GRM2: variants seen among roughly 807,000 people sequenced by gnomAD.
GRM2 encodes glutamate metabotropic receptor 2.
In GRM2, 35 loss-of-function variants were observed where a neutral mutation model predicts 60.4. The ratio of observed to expected loss-of-function variants is 0.58; its 90% CI spans 0.44 to 0.77. The LOEUF is 0.77. GRM2 is among the 30% of genes least tolerant of loss of function. The pLI is 0.00. For missense variants in GRM2, 925 were observed against 1,199.5 expected (o/e 0.77, Z 3.38); for synonymous variants, 437 against 484.1 (o/e 0.90, Z 1.28).
Position 51,716,495 on chromosome 3 carries a change from A to G in GRM2, c.2364+358A>G, listed in dbSNP as rs1703902518. Among the ~76,000 whole-genome samples, 1 of 152,194 alleles carries G rather than the reference A, an allele frequency of 6.6e-6. No homozygotes were observed. Among genetic ancestry groups the G allele is most frequent in the South Asian group, 2.1e-4 (1 of 4,830 alleles). ...GAGATGAAGCCAGGGAAGGCAGGAA[A>G]GATGAAGCAAGGTGGGTAGGGGAGG... On this transcript the variant is annotated intron_variant, in intron 4 of 5. Coordinates refer to ENST00000395052, the MANE Select transcript of GRM2 (RefSeq NM_000839.5). The surrounding 1 kb of genome is among the most constrained non-coding windows in gnomAD (Gnocchi z 4.0).
chr3:51,710,178 C>T (rs1041726933), intron 2 of GRM2, among the ~76,000 whole-genome samples: 1 of 151,746 alleles, frequency 6.6e-6, no homozygotes, highest in Non-Finnish European at 1.5e-5. Flanking sequence ...TTAGTAGAGA[C>T]GAGCCTGACC....
At position 51,716,176 on chromosome 3, in the gene GRM2, C is replaced by T. The variant is rs779236404; in HGVS notation, c.2364+39C>T. The T allele has an allele frequency of 7.6e-7, 1 of 1,317,758 alleles. No individual in the cohort carries two copies. Among genetic ancestry groups the T allele is most frequent in the South Asian group, 1.2e-5 (1 of 83,224 alleles). The allele number at this position is 1,317,758 out of a possible 1,614,324, so 81.6% of individuals were successfully genotyped here. On this transcript the variant is annotated intron_variant, in intron 4 of 5. Coordinates refer to ENST00000395052, the MANE Select transcript of GRM2 (RefSeq NM_000839.5). The surrounding 1 kb of genome is among the most constrained non-coding windows in gnomAD (Gnocchi z 4.0). ...CACAGAGGTCGGGGGAGATGGGACA[C>T]CAGACCCTCTGTTTCCTGGTATCTT...
rs1171946408 is a variant in GRM2, at chr3:51,716,045, G to A, written c.2272G>A (p.Glu758Lys). 6.2e-7 allele frequency: 1 copy of A among 1,614,218 alleles called. No individual in the cohort carries two copies. Among genetic ancestry groups the A allele is most frequent in the Non-Finnish European group, 8.5e-7 (1 of 1,180,046 alleles). Residue 758 changes from glutamate (E) to lysine (K), a missense_variant, in exon 4 of 6, where the codon GAG (glutamate) becomes AAG (lysine). By Grantham distance (56) the Glu-to-Lys change is moderately conservative. Coordinates refer to ENST00000395052, the MANE Select transcript of GRM2 (RefSeq NM_000839.5). This position sits in a 1 kb window ranked among gnomAD's most constrained non-coding sequence, Gnocchi z 4.0. The part of the protein sequence containing the change: ...KTRKCPENFN[E>K]AKFIGFTMYT... ...TCGCAAGTGCCCCGAAAACTTCAAC[G>A]AGGCCAAGTTCATTGGCTTCACCAT... is the stretch of plus-strand genomic sequence containing the variant.
Position 51,708,890 on chromosome 3 carries a change from TG to T in GRM2, c.-92del. 1.1e-6 allele frequency: 1 copy of T among 917,234 alleles called. No individual in the cohort carries two copies. The highest frequency in any genetic ancestry group is 1.6e-6 in the Non-Finnish European group (1 of 623,932). 56.8% of individuals were successfully genotyped at this position (917,234 alleles called of 1,614,324 possible). On this transcript the variant is annotated 5_prime_UTR_variant, in exon 2 of 6. Coordinates refer to ENST00000395052, the MANE Select transcript of GRM2 (RefSeq NM_000839.5). The stretch of plus-strand genomic sequence containing the variant: ...ATCTCTCTTCTTGTCTGTCCTTTCC[TG>T]GTCCCTGTTTCCTCCTCTCTTTGCC...
Position 51,717,004 on chromosome 3 carries a change from G to A in GRM2, c.2365-633G>A, listed in dbSNP as rs372795293. Among the ~76,000 whole-genome samples the A allele has an allele frequency of 7.2e-4, 109 of 152,174 alleles. No individual in the cohort carries two copies. The highest frequency in any genetic ancestry group is 3.9e-3 in the South Asian group (19 of 4,830). On this transcript the variant is annotated intron_variant, in intron 4 of 5. Transcript: ENST00000395052. This position sits in a 1 kb window ranked among gnomAD's most constrained non-coding sequence, Gnocchi z 6.0. ...CACCTGCTTGGGTGGTAGAGGCCAG[G>A]GCTGGGGAGGGATTCTGCTCTGACT...
chr3:51,712,569 C>T lies in GRM2; in HGVS notation c.547C>T (p.Arg183Cys), dbSNP rs761538024. ...SDKSRYDYFA[R>C]TVPPDFFQAK... is the part of the protein sequence containing the mutation. ...CAAGTCCCGCTATGACTACTTTGCCCGCACAGTGCCTCCTGACTTCTTCCA... is the reference window on the plus strand; with the variant it reads ...CAAGTCCCGCTATGACTACTTTGCCTGCACAGTGCCTCCTGACTTCTTCCA... Residue 183 changes from arginine (R) to cysteine (C), a missense_variant, in exon 3 of 6, where the codon CGC becomes TGC. Arg to Cys is a radical substitution (Grantham distance 180). Transcript: ENST00000395052. This position sits in a 1 kb window ranked among gnomAD's most constrained non-coding sequence, Gnocchi z 5.3. 10 of 1,614,052 alleles carry T rather than the reference C, an allele frequency of 6.2e-6. No homozygotes were observed. Among genetic ancestry groups the T allele is most frequent in the South Asian group, 2.2e-5 (2 of 91,078 alleles).
intron 2 of GRM2, chr3:51,711,296 C>G (rs536774385): frequency 6.6e-6 from 1 of 152,458 alleles, no homozygotes; most frequent in Non-Finnish European, 1.5e-5. Context: ...GCATCTATTT[C>G]TGCAGCCCCG....
intron 2 of GRM2, 49 bp downstream of exon 2, chr3:51,709,482 G>A (rs763785699): frequency 1.1e-5 from 15 of 1,342,284 alleles, no homozygotes; most frequent in Non-Finnish European, 1.5e-5. Context: ...GCCGGAGGTG[G>A]TGACCCAGAA....
intron 2 of GRM2, among the ~76,000 whole-genome samples, chr3:51,710,387 C>T (rs376982553): frequency 8.2e-4 from 125 of 152,270 alleles, no homozygotes; most frequent in African/African-American, 2.8e-3. Context: ...ATAAGGGCAC[C>T]GTTGATATTA....
At chr3:51,710,782 G>T (rs1303803091) in intron 2 of GRM2, among the ~76,000 whole-genome samples, 1 of 152,198 alleles carries the variant, frequency 6.6e-6, no homozygotes, top group Admixed American at 6.5e-5. Flanking sequence ...GAGGCTGCTG[G>T]CCCTGCTGAC....
rs1703808671 is a variant in GRM2, at chr3:51,713,768, C to A, written c.1288+458C>A. ...TTTTTCTTTCTTTCTTTCTTTCTTT[C>A]TTTTCTTAGATGGGGTCTCACTATA... On this transcript the variant is annotated intron_variant, in intron 3 of 5. Transcript: ENST00000395052. This position sits in a 1 kb window ranked among gnomAD's most constrained non-coding sequence, Gnocchi z 4.8. 1 of 189,742 alleles carries A rather than the reference C, an allele frequency of 5.3e-6. No individual in the cohort carries two copies. The highest frequency in any genetic ancestry group is 5.7e-5 in the Admixed American group (1 of 17,414). The allele number at this position is 189,742 out of a possible 1,614,324, so 11.8% of individuals were successfully genotyped here.
Position 51,709,295 on chromosome 3 carries a change from C to G in GRM2, c.312C>G (p.Asp104Glu). The change falls in exon 2 of 6, where the codon GAC becomes GAG. Residue 104 changes from aspartate to glutamate, a missense_variant. By Grantham distance (45) the Asp-to-Glu change is conservative. Coordinates refer to ENST00000395052, the MANE Select transcript of GRM2 (RefSeq NM_000839.5). The part of the protein sequence containing the change: ...KDTHALEQAL[D>E]FVRASLSRGA... ...CACATGCGCTGGAGCAGGCACTGGA[C>G]TTTGTGCGTGCCTCACTCAGCCGTG... 1.2e-5 allele frequency: 20 copies of G among 1,603,748 alleles called. No individual in the cohort carries two copies. Among genetic ancestry groups the G allele is most frequent in the Non-Finnish European group, 1.7e-5 (20 of 1,172,542 alleles).
chr3:51,713,292 C>G lies in GRM2; in HGVS notation c.1270C>G (p.Leu424Val). The G allele has an allele frequency of 6.2e-7, 1 of 1,607,776 alleles. No individual in the cohort carries two copies. Among genetic ancestry groups the G allele is most frequent in the Non-Finnish European group, 8.5e-7 (1 of 1,176,118 alleles). The change falls in exon 3 of 6, where the codon CTC becomes GTC. Residue 424 changes from leucine (L) to valine (V), a missense_variant. Physicochemically the swap from Leu to Val is conservative, Grantham distance 32. Coordinates refer to ENST00000395052, the MANE Select transcript of GRM2 (RefSeq NM_000839.5). This position sits in a 1 kb window ranked among gnomAD's most constrained non-coding sequence, Gnocchi z 4.8. ...GCGCCGCCTCTACAAGGACTTTGTG[C>G]TCAACGTCAAGTTTGATGGTAATGG... Reference protein sequence around the residue: ...NGRRLYKDFVLNVKFDAPFRP... With the variant: ...NGRRLYKDFVVNVKFDAPFRP...
At chr3:51,709,650 C>CCA (rs1221725746) in intron 2 of GRM2, among the ~76,000 whole-genome samples, 15 of 116,828 alleles carry the variant, frequency 1.3e-4, no homozygotes, top group Middle Eastern at 4.2e-3. Flanking sequence ...CTCATTACTC[C>CCA]CACACACACA....
In GRM2 at chr3:51,713,039, C is replaced by T. The variant is rs1703774170; in HGVS notation, c.1017C>T (p.Asn339=). The part of the protein sequence containing the change: ...SYFQSLDPWN[N]SRNPWFREFW... Reference sequence around the variant, plus strand: ...TCCAGAGCCTGGACCCTTGGAACAACAGCCGGAACCCCTGGTTCCGTGAAT... The same window carrying T: ...TCCAGAGCCTGGACCCTTGGAACAATAGCCGGAACCCCTGGTTCCGTGAAT... The change falls in exon 3 of 6, where the codon AAC becomes AAT. Residue 339 remains asparagine (N), a synonymous_variant. Transcript: ENST00000395052. The surrounding 1 kb of genome is among the most constrained non-coding windows in gnomAD (Gnocchi z 4.8). 1.2e-6 allele frequency: 2 copies of T among 1,613,174 alleles called. No individual in the cohort carries two copies. Among genetic ancestry groups the T allele is most frequent in the South Asian group, 1.1e-5 (1 of 91,092 alleles).
At position 51,715,580 on chromosome 3, in the gene GRM2, C is replaced by A. The variant is rs774472043; in HGVS notation, c.1807C>A (p.Arg603=). 2 of 1,614,168 alleles carry A rather than the reference C, an allele frequency of 1.2e-6. No individual in the cohort carries two copies. ...NATPVVKASG[R]ELCYILLGGV... ...CACACCAGTGGTCAAGGCCTCAGGTCGGGAGCTCTGCTACATCCTGCTGGG... is the reference window on the plus strand; with the variant it reads ...CACACCAGTGGTCAAGGCCTCAGGTAGGGAGCTCTGCTACATCCTGCTGGG... The change falls in exon 4 of 6, where the codon CGG becomes AGG. Residue 603 remains arginine (R), a synonymous_variant. Coordinates refer to ENST00000395052, the MANE Select transcript of GRM2 (RefSeq NM_000839.5). This position sits in a 1 kb window ranked among gnomAD's most constrained non-coding sequence, Gnocchi z 9.0.
Position 51,715,513 on chromosome 3 carries a change from G to C in GRM2, c.1740G>C (p.Leu580=). Residue 580 remains leucine, a synonymous_variant, in exon 4 of 6, where the codon CTG becomes CTC. Coordinates refer to ENST00000395052, the MANE Select transcript of GRM2 (RefSeq NM_000839.5). This position sits in a 1 kb window ranked among gnomAD's most constrained non-coding sequence, Gnocchi z 9.0. The part of the protein sequence containing the change: ...GPVTIACLGA[L]ATLFVLGVFV... ...TCACCATCGCCTGCCTCGGTGCCCT[G>C]GCCACCCTCTTTGTGCTGGGTGTCT... 6.2e-7 allele frequency: 1 copy of C among 1,613,312 alleles called. No individual in the cohort carries two copies. The highest frequency in any genetic ancestry group is 1.1e-5 in the South Asian group (1 of 91,082).
intron 3 of GRM2, chr3:51,714,711 T>C (rs1703835185): frequency 4.9e-6 from 1 of 203,732 alleles, no homozygotes; most frequent in South Asian, 1.6e-4. Context: ...AGTTGGGATT[T>C]GGAGCCTGGG....
At chr3:51,714,782 G>A (rs1348941401) in intron 3 of GRM2, 3 of 351,554 alleles carry the variant, frequency 8.5e-6, no homozygotes, top group African/African-American at 4.2e-5. Context: ...GGATTGATGT[G>A]GGCATTAGGT....
Sources: allele counts gnomAD v4.1 joint callset (sites outside exome capture counted in the v4.1 genomes callset), GRCh38; gene constraint gnomAD v4.1.1; non-coding constraint Gnocchi (gnomAD v3.1); transcripts MANE v1.5; gene names NCBI Gene and HGNC (gene_info 2026-07-23, HGNC 2026-07-21).